Variants in L3MBTL2 observed in about 807,000 individuals in gnomAD.
L3MBTL2 encodes L3MBTL histone methyl-lysine binding protein 2.
A neutral mutation model predicts 86.4 loss-of-function variants in L3MBTL2; 49 were observed. The ratio of observed to expected loss-of-function variants is 0.57; its 90% CI spans 0.45 to 0.72. The LOEUF (loss-of-function observed/expected upper bound fraction) is 0.72, where lower values mean the gene tolerates loss of function less well. L3MBTL2 is among the 30% of genes least tolerant of loss of function. The pLI is 0.00. For synonymous variants in L3MBTL2, 336 were observed against 350.6 expected (o/e 0.96, Z 0.47); for missense variants, 755 against 923.7 (o/e 0.82, Z 2.37).
At chr22:41,226,557 T>G in intron 12 of L3MBTL2, 105 bp from the exon 13 acceptor site, 1 of 808,520 alleles carries the variant, frequency 1.2e-6, no homozygotes, top group Non-Finnish European at 2.2e-6. Context: ...GACTCCATGC[T>G]GGGTCCTGAC....
rs201737867 is a variant in L3MBTL2, at chr22:41,211,559, T to TTC, written c.262+1627_262+1628insCT. On this transcript the variant is annotated intron_variant, in intron 2 of 16. Coordinates refer to ENST00000216237, the MANE Select transcript of L3MBTL2 (RefSeq NM_031488.5). The stretch of plus-strand genomic sequence containing the variant: ...TCTTTGCAGTTGAATCTTATTTCCT[T>TTC]TTTTTTTTTTTTTTTGAGACGGAGT... Among the ~76,000 whole-genome samples, 160 of 54,494 alleles carry TTC rather than the reference T, an allele frequency of 2.9e-3. 16 individuals are homozygous for TTC. Among genetic ancestry groups the TTC allele is most frequent in the African/African-American group, 0.014 (152 of 11,172 alleles). 35.8% of individuals were successfully genotyped at this position (54,494 alleles called of 152,430 possible).
rs140395915 is a variant in L3MBTL2 at position 41,220,340 on chromosome 22, A to C, written c.719-394A>C. ...GACAACAGGAATCCACTTGCCTGGA[A>C]GTATAGGTGCCAGAAGTCCAGCTTA... On this transcript the variant is annotated intron_variant, in intron 6 of 16. Coordinates refer to ENST00000216237, the MANE Select transcript of L3MBTL2 (RefSeq NM_031488.5). Among the ~76,000 whole-genome samples the C allele has an allele frequency of 2.0e-3, 298 of 152,222 alleles. 6 individuals are homozygous for C. The East Asian group carries it at 0.053, about 27-fold the overall frequency.
At chr22:41,229,500 A>C (rs2032427598) in intron 15 of L3MBTL2, 40 bp from the exon 16 acceptor site, 1 of 1,590,940 alleles carries the variant, frequency 6.3e-7, no homozygotes, top group East Asian at 2.3e-5. Context: ...TTACCTAAAT[A>C]CAACCCTAAT....
At chr22:41,211,998 G>GGAC (rs923983495) in intron 2 of L3MBTL2, among the ~76,000 whole-genome samples, 10 of 150,066 alleles carry the variant, frequency 6.7e-5, no homozygotes, top group Non-Finnish European at 1.2e-4. Context: ...CAAGTAGCTG[G>GGAC]GACTACAGGC....
At chr22:41,221,148 A>G (rs2031788043) in intron 7 of L3MBTL2, 51 bp from the exon 8 acceptor site, 1 of 1,394,056 alleles carries the variant, frequency 7.2e-7, no homozygotes, top group Non-Finnish European at 9.4e-7. Flanking sequence ...CGCCCCTGTC[A>G]GTGGAGGTTT....
intron 1 of L3MBTL2, among the ~76,000 whole-genome samples, chr22:41,207,468 C>A (rs1184157627): frequency 6.6e-6 from 1 of 151,996 alleles, no homozygotes; most frequent in Non-Finnish European, 1.5e-5. Flanking sequence ...AGCAATCCTC[C>A]TGTCTCGGCC....
At chr22:41,205,981 C>G (rs2030179503) in intron 1 of L3MBTL2, 2 of 152,550 alleles carry the variant, frequency 1.3e-5, no homozygotes, top group African/African-American at 4.8e-5. Flanking sequence ...CTGGAACCCA[C>G]TCATCCTTTT....
chr22:41,229,604 G>A lies in L3MBTL2; in HGVS notation c.1953G>A (p.Glu651=). 1 of 1,613,846 alleles carries A rather than the reference G, an allele frequency of 6.2e-7. No individual in the cohort carries two copies. The highest frequency in any genetic ancestry group is 1.1e-5 in the South Asian group (1 of 91,078). ...AGGGGTCCAAGAAGCCCCTGCTGGA[G>A]GACGACCCTCAGGGTGCCAGGAAGA... The part of the protein sequence containing the change: ...LRQGSKKPLL[E]DDPQGARKIS... The change falls in exon 16 of 17, where the codon GAG becomes GAA. Residue 651 remains glutamate, a synonymous_variant. Transcript: ENST00000216237.
At chr22:41,215,484 A>G (rs181868090) in intron 3 of L3MBTL2, among the ~76,000 whole-genome samples, 1 of 152,340 alleles carries the variant, frequency 6.6e-6, no homozygotes, top group Admixed American at 6.5e-5. Context: ...TTAAACCCAG[A>G]TTTCTGCTTC....
chr22:41,215,721 C>T (rs922163687), intron 3 of L3MBTL2, among the ~76,000 whole-genome samples: 7 of 152,216 alleles, frequency 4.6e-5, no homozygotes, highest in South Asian at 2.1e-4. Flanking sequence ...CCCGAACATT[C>T]GCCTATGTGG....
chr22:41,209,490 C>T (rs1445253993), intron 1 of L3MBTL2: 4 of 552,080 alleles, frequency 7.2e-6, no homozygotes, highest in Non-Finnish European at 1.3e-5. Context: ...GAATTCCTAA[C>T]ACATATTTTC....
At chr22:41,206,703 G>A (rs1280846462) in intron 1 of L3MBTL2, among the ~76,000 whole-genome samples, 2 of 152,064 alleles carry the variant, frequency 1.3e-5, no homozygotes, top group African/African-American at 4.8e-5. Flanking sequence ...GGAGGCTGAG[G>A]CGGGAGAATG....
intron 6 of L3MBTL2, 21 bp downstream of exon 6, chr22:41,219,557 G>GACACATCCCT: frequency 6.7e-7 from 1 of 1,496,844 alleles, no homozygotes; most frequent in Non-Finnish European, 9.3e-7. Flanking sequence ...GGCCAGGGCA[G>GACACATCCCT]GGCCAGGGAT....
chr22:41,211,322 T>C (rs2030764245), intron 2 of L3MBTL2, among the ~76,000 whole-genome samples: 1 of 151,998 alleles, frequency 6.6e-6, no homozygotes, highest in Admixed American at 6.6e-5. Context: ...CACCTCAGCC[T>C]CCTGAGTAGC....
chr22:41,219,488 G>T lies in L3MBTL2; in HGVS notation c.670G>T (p.Val224Leu), dbSNP rs763997489. ...GGTGGAGGTGCTCAACAGTGATGCT[G>T]TGCTCCCCAGCCGGGTGTACTGGAT... ...MKVEVLNSDA[V>L]LPSRVYWIAS... Residue 224 changes from valine to leucine, a missense_variant, in exon 6 of 17, where the codon GTG becomes TTG. Physicochemically the swap from Val to Leu is conservative, Grantham distance 32 (BLOSUM62 1). Around this residue, in one of 3 missense-constraint regions of L3MBTL2, gnomAD observed 634 missense variants for 748.9 expected, o/e 0.85. Coordinates refer to ENST00000216237, the MANE Select transcript of L3MBTL2 (RefSeq NM_031488.5). The T allele has an allele frequency of 6.2e-7, 1 of 1,614,010 alleles. No homozygotes were observed. The highest frequency in any genetic ancestry group is 1.1e-5 in the South Asian group (1 of 91,082).
rs947822221 is a variant in L3MBTL2 at position 41,224,225 on chromosome 22, G to C, written c.1148G>C (p.Arg383Pro). 4.3e-6 allele frequency: 7 copies of C among 1,612,620 alleles called. No individual in the cohort carries two copies. Among genetic ancestry groups the C allele is most frequent in the Non-Finnish European group, 5.9e-6 (7 of 1,178,968 alleles). ...PLIHPVGWSR[R>P]VGHGIKMSER... ...ATCCACCCAGTGGGTTGGTCACGAC[G>C]TGTGGGCCACGGCATCAAGATGTCA... The change falls in exon 9 of 17, where the codon CGT (arginine) becomes CCT (proline). Residue 383 changes from arginine (R) to proline (P), a missense_variant. This residue lies in a region of L3MBTL2 where 634 missense variants were observed against 748.9 expected (regional missense o/e 0.85). Coordinates refer to ENST00000216237, the MANE Select transcript of L3MBTL2 (RefSeq NM_031488.5). This position sits in a 1 kb window ranked among gnomAD's most constrained non-coding sequence, Gnocchi z 4.9.
chr22:41,227,725 G>A lies in L3MBTL2; in HGVS notation c.1823-79G>A. 2.5e-6 allele frequency: 4 copies of A among 1,607,694 alleles called. No homozygotes were observed. Among genetic ancestry groups the A allele is most frequent in the South Asian group, 2.2e-5 (2 of 90,184 alleles). On this transcript the variant is annotated intron_variant, in intron 14 of 16. Transcript: ENST00000216237. The surrounding 1 kb of genome is among the most constrained non-coding windows in gnomAD (Gnocchi z 6.0). ...GTGTCTCGTGTGGGAGGGTGGATGG[G>A]GTCTCGGGATGCGCCTGTGCCCTGT...
In L3MBTL2 at chr22:41,224,792, C is replaced by G. The variant is rs2032069518; in HGVS notation, c.1242C>G (p.Leu414=). 6.2e-7 allele frequency: 1 copy of G among 1,613,250 alleles called. No individual in the cohort carries two copies. Among genetic ancestry groups the G allele is most frequent in the Non-Finnish European group, 8.5e-7 (1 of 1,179,170 alleles). The part of the protein sequence containing the change: ...RKIYCDAVPY[L]FKKVRAVYTE... ...TCTACTGTGATGCCGTTCCTTACCTCTTCAAGAAGGTGAGGTTCAGCTCTT... is the reference window on the plus strand; with the variant it reads ...TCTACTGTGATGCCGTTCCTTACCTGTTCAAGAAGGTGAGGTTCAGCTCTT... The change falls in exon 10 of 17, where the codon CTC becomes CTG. Residue 414 remains leucine, a synonymous_variant. Transcript: ENST00000216237. The surrounding 1 kb of genome is among the most constrained non-coding windows in gnomAD (Gnocchi z 4.9).
At chr22:41,219,682 A>C in intron 6 of L3MBTL2, 146 bp downstream of exon 6, 1 of 614,676 alleles carries the variant, frequency 1.6e-6, no homozygotes, top group East Asian at 2.8e-5. Flanking sequence ...GGATTCTTTT[A>C]CCGGAGAAGG....
Sources: gnomAD v4.1 joint callset for allele counts (sites outside exome capture counted in the v4.1 genomes callset) on GRCh38, gnomAD v4.1.1 for gene constraint, gnomAD v4.1.1 regional missense constraint, Gnocchi (gnomAD v3.1) non-coding constraint, MANE v1.5 for transcripts, NCBI Gene and HGNC (gene_info 2026-07-23, HGNC 2026-07-21) for gene names.